Variants in PXDC1 observed in about 807,000 individuals in gnomAD.
PXDC1 encodes the protein PX domain containing 1, also known as PX domain-containing protein 1.
Under a neutral mutation model 24.4 loss-of-function variants are expected in PXDC1, and 13 were observed. That is an observed-to-expected ratio of 0.53 (90% CI 0.35 to 0.85). The LOEUF (loss-of-function observed/expected upper bound fraction) is 0.85. PXDC1 is among the 40% of genes least tolerant of loss of function. The pLI is 0.01. For missense variants in PXDC1, 344 were observed against 309.3 expected (o/e 1.11, Z -0.84); for synonymous variants, 162 against 124.9 (o/e 1.30, Z -1.98).
intron 1 of PXDC1, among the ~76,000 whole-genome samples, chr6:3,743,117 G>A (rs1019733850): frequency 6.6e-6 from 1 of 152,326 alleles, no homozygotes; most frequent in Middle Eastern, 3.4e-3. Flanking sequence ...CTCAACACTT[G>A]CGGTAACTGG....
At chr6:3,745,941 C>T (rs1760560954) in intron 1 of PXDC1, among the ~76,000 whole-genome samples, 1 of 152,206 alleles carries the variant, frequency 6.6e-6, no homozygotes, top group East Asian at 1.9e-4. Context: ...TGTCTGATGT[C>T]CCCATTTCCT....
intron 1 of PXDC1, chr6:3,738,693 C>T: frequency 9.9e-7 from 1 of 1,008,260 alleles, no homozygotes; most frequent in African/African-American, 1.7e-5. Flanking sequence ...CCAAAGTGGA[C>T]ACGACTCATG....
Position 3,725,395 on chromosome 6 carries a change from C to T in PXDC1, c.579-1659G>A, listed in dbSNP as rs1282886176. On this transcript the variant is annotated intron_variant, in intron 4 of 4. Transcript: ENST00000380283. The surrounding 1 kb of genome is among the most constrained non-coding windows in gnomAD (Gnocchi z 4.8). ...CCTCCCAGAAGCCAGGCAATCCCTT[C>T]GCCAGCTGAGACTGTCACCTGCAGA... Among the ~76,000 whole-genome samples the T allele has an allele frequency of 6.6e-6, 1 of 152,230 alleles. No homozygotes were observed. The highest frequency in any genetic ancestry group is 6.5e-5 in the Admixed American group (1 of 15,288).
chr6:3,745,489 G>A (rs12526106), intron 1 of PXDC1, among the ~76,000 whole-genome samples: 13,750 of 152,280 alleles, frequency 0.09, 807 homozygotes, highest in East Asian at 0.35. Context: ...TGAGGAACTT[G>A]CCTGGAATGA....
At chr6:3,734,752 T>A (rs1223913116) in intron 3 of PXDC1, among the ~76,000 whole-genome samples, 1 of 151,608 alleles carries the variant, frequency 6.6e-6, no homozygotes, top group Non-Finnish European at 1.5e-5. Context: ...GCAATCCCCA[T>A]CAAAATACAA....
intron 3 of PXDC1, among the ~76,000 whole-genome samples, chr6:3,730,759 G>A (rs1188481319): frequency 6.6e-6 from 1 of 152,230 alleles, no homozygotes; most frequent in African/African-American, 2.4e-5. Context: ...CAGGGAGCCT[G>A]ACTTGTAACA....
At chr6:3,726,545 G>C (rs993129774) in intron 4 of PXDC1, among the ~76,000 whole-genome samples, 1 of 152,252 alleles carries the variant, frequency 6.6e-6, no homozygotes, top group East Asian at 1.9e-4. Flanking sequence ...AGCCTGACAG[G>C]GACCCCCCCA....
At chr6:3,730,872 A>G (rs976867460) in intron 3 of PXDC1, among the ~76,000 whole-genome samples, 3 of 152,262 alleles carry the variant, frequency 2.0e-5, no homozygotes, top group African/African-American at 7.2e-5. Flanking sequence ...AGCAGGTAGG[A>G]AAGCATGCAG....
intron 3 of PXDC1, 93 bp from the exon 4 acceptor site, chr6:3,727,755 TC>T: frequency 1.3e-6 from 1 of 792,506 alleles, no homozygotes; most frequent in Non-Finnish European, 2.2e-6. Context: ...TGCTTTCTCC[TC>T]CACCTGTTGC....
chr6:3,738,909 G>A, intron 1 of PXDC1: 1 of 1,302,458 alleles, frequency 7.7e-7, no homozygotes, highest in Non-Finnish European at 1.0e-6. Context: ...TGGGGAAGTA[G>A]GTGCCCAAGG....
chr6:3,730,935 T>C (rs1307839947), intron 3 of PXDC1, among the ~76,000 whole-genome samples: 1 of 152,228 alleles, frequency 6.6e-6, no homozygotes, highest in Non-Finnish European at 1.5e-5. Flanking sequence ...GGTTACTTCT[T>C]GCTCAGTTTC....
intron 3 of PXDC1, among the ~76,000 whole-genome samples, chr6:3,736,503 T>A (rs1268310950): frequency 6.6e-6 from 1 of 152,194 alleles, no homozygotes; most frequent in African/African-American, 2.4e-5. Context: ...AAAATCCTCC[T>A]CATCAGCCTT....
chr6:3,734,645 C>A (rs927961934), intron 3 of PXDC1, among the ~76,000 whole-genome samples: 7 of 152,142 alleles, frequency 4.6e-5, no homozygotes, highest in Admixed American at 3.3e-4. Context: ...TAAAAAGGGG[C>A]TCCTGTACTC....
chr6:3,749,093 G>A (rs1581254041), intron 1 of PXDC1, among the ~76,000 whole-genome samples: 1 of 152,118 alleles, frequency 6.6e-6, no homozygotes. Context: ...ACAAAACTCA[G>A]GTGGTGCTGG....
intron 1 of PXDC1, among the ~76,000 whole-genome samples, chr6:3,749,829 C>A (rs1342296247): frequency 4.6e-5 from 7 of 152,190 alleles, no homozygotes; most frequent in Non-Finnish European, 1.0e-4. Context: ...AGACGCCTGA[C>A]CACAGTGAAG....
chr6:3,738,662 C>CG (rs1760383727), intron 1 of PXDC1: 1 of 511,698 alleles, frequency 2.0e-6, no homozygotes, highest in Non-Finnish European at 3.1e-6. Context: ...GGAAAAAAGT[C>CG]AGATCTCTGC....
chr6:3,728,998 G>A lies in PXDC1; in HGVS notation c.467-1336C>T, dbSNP rs1760135820. On this transcript the variant is annotated intron_variant, in intron 3 of 4. Transcript: ENST00000380283. The surrounding 1 kb of genome is among the most constrained non-coding windows in gnomAD (Gnocchi z 4.0). ...GCCTAAAATATACTCCAAATTCCTG[G>A]TGCCTTCTCAAATCCAAGGGATTAT... Among the ~76,000 whole-genome samples the A allele has an allele frequency of 6.6e-6, 1 of 151,978 alleles. No individual in the cohort carries two copies. The highest frequency in any genetic ancestry group is 6.5e-5 in the Admixed American group (1 of 15,268).
chr6:3,735,182 A>G (rs1760286931), intron 3 of PXDC1, among the ~76,000 whole-genome samples: 2 of 152,270 alleles, frequency 1.3e-5, no homozygotes, highest in Admixed American at 6.5e-5. Flanking sequence ...AGCCAGAGGC[A>G]TCACACTACA....
rs1314609081 is a variant in PXDC1 at position 3,723,371 on chromosome 6, C to T, written c.*248G>A. 3.7e-6 allele frequency: 2 copies of T among 546,442 alleles called. No homozygotes were observed. Among genetic ancestry groups the T allele is most frequent in the African/African-American group, 3.8e-5 (2 of 53,282 alleles). 33.8% of individuals were successfully genotyped at this position (546,442 alleles called of 1,614,324 possible). Reference sequence around the variant, plus strand: ...GGGCACCAAGCAGGGAGTGAAGACCCTCAGAACACAGGCCCTGTGGCCTCC... The same window carrying T: ...GGGCACCAAGCAGGGAGTGAAGACCTTCAGAACACAGGCCCTGTGGCCTCC... On this transcript the variant is annotated 3_prime_UTR_variant, in exon 5 of 5. Transcript: ENST00000380283.
Sources: allele counts gnomAD v4.1 joint callset (sites outside exome capture counted in the v4.1 genomes callset), GRCh38; gene constraint gnomAD v4.1.1; non-coding constraint Gnocchi (gnomAD v3.1); transcripts MANE v1.5; gene names NCBI Gene and HGNC (gene_info 2026-07-23, HGNC 2026-07-21).